Variants in OTUD7A observed in about 807,000 individuals in gnomAD.
OTUD7A encodes the protein OTU deubiquitinase 7A.
In OTUD7A, 12 loss-of-function variants were observed where a neutral mutation model predicts 65.7. That is an observed-to-expected ratio of 0.18 (90% CI 0.12 to 0.30). OTUD7A has a LOEUF of 0.30. Ranked by LOEUF, OTUD7A falls within the 10% of genes least tolerant of loss-of-function variation. OTUD7A has a pLI of 1.00. For missense variants in OTUD7A, 1,148 were observed against 1,304.8 expected, an observed-to-expected ratio of 0.88 and a Z score of 1.85; for synonymous variants, 641 against 586.3, an observed-to-expected ratio of 1.09 and a Z score of -1.35.
intron 3 of OTUD7A, among the ~76,000 whole-genome samples, chr15:31,580,802 A>C (rs2097400944): frequency 6.6e-6 from 1 of 152,150 alleles, no homozygotes; most frequent in Admixed American, 6.5e-5. Flanking sequence ...TGCCCTTGAC[A>C]CATGGGGATT....
intron 4 of OTUD7A, among the ~76,000 whole-genome samples, chr15:31,567,049 A>C (rs1239078656): frequency 6.6e-6 from 1 of 152,238 alleles, no homozygotes; most frequent in African/African-American, 2.4e-5. Context: ...TGAAAATGTG[A>C]AAGCAACTTT....
At chr15:31,591,193 G>A (rs1271950341) in intron 3 of OTUD7A, among the ~76,000 whole-genome samples, 1 of 152,052 alleles carries the variant, frequency 6.6e-6, no homozygotes, top group African/African-American at 2.4e-5. Context: ...GCATAGAGGT[G>A]TTGGGAGTTT....
chr15:31,772,207 C>G (rs1377843284), intron 1 of OTUD7A, among the ~76,000 whole-genome samples: 2 of 149,502 alleles, frequency 1.3e-5, no homozygotes, highest in Admixed American at 6.7e-5. Flanking sequence ...AGCCGAGATC[C>G]CGCCACTGCA....
chr15:31,614,193 G>T (rs72709306), intron 3 of OTUD7A, among the ~76,000 whole-genome samples: 32,557 of 151,912 alleles, frequency 0.21, 3,663 homozygotes, highest in African/African-American at 0.26. Context: ...CAAATAGGGT[G>T]CAGTGTATTA....
At chr15:31,653,022 G>A (rs1367788961) in intron 3 of OTUD7A, among the ~76,000 whole-genome samples, 8 of 152,130 alleles carry the variant, frequency 5.3e-5, no homozygotes, top group South Asian at 2.1e-4. Flanking sequence ...AGGCTGAGGC[G>A]GGCAGATCAC....
chr15:31,867,670 C>A (rs2141023931), intron 1 of OTUD7A, among the ~76,000 whole-genome samples: 1 of 152,302 alleles, frequency 6.6e-6, no homozygotes, highest in Non-Finnish European at 1.5e-5. Flanking sequence ...GCCTGTAGTT[C>A]ACTGAAGTCA....
At chr15:31,860,380 C>T (rs1000599635) in intron 1 of OTUD7A, among the ~76,000 whole-genome samples, 1 of 151,718 alleles carries the variant, frequency 6.6e-6, no homozygotes, top group African/African-American at 2.4e-5. Context: ...GGGAGCTAAG[C>T]AATTCGAGAA....
Position 31,570,149 on chromosome 15 carries a change from C to T in OTUD7A, c.200G>A (p.Arg67His), listed in dbSNP as rs763917042. ...TGGCAGATTGGCTGTGTGCACCTGG[C>T]GGAGCTGCTCATAGTCGCTCAGAGC... ...TAALSDYEQLRQVHTANLPHV... is the reference protein window; with the variant it reads ...TAALSDYEQLHQVHTANLPHV... The change falls in exon 4 of 13, where the codon CGC (arginine) becomes CAC (histidine). Residue 67 changes from arginine to histidine, a missense_variant. Transcript: ENST00000307050. The T allele has an allele frequency of 8.7e-6, 14 of 1,614,126 alleles. No individual in the cohort carries two copies. The highest frequency in any genetic ancestry group is 5.5e-5 in the South Asian group (5 of 91,076).
chr15:31,609,749 G>A (rs192597569), intron 3 of OTUD7A, among the ~76,000 whole-genome samples: 5 of 152,242 alleles, frequency 3.3e-5, no homozygotes, highest in East Asian at 3.9e-4. Flanking sequence ...GCTACCTCCC[G>A]TCAGGAGGCC....
intron 1 of OTUD7A, among the ~76,000 whole-genome samples, chr15:31,686,566 G>C (rs1199599006): frequency 2.6e-5 from 4 of 152,230 alleles, no homozygotes; most frequent in Admixed American, 6.5e-5. Context: ...CCATCTCCAA[G>C]GAGCAGATCC....
chr15:31,766,238 A>C, intron 1 of OTUD7A: 1 of 1,548,012 alleles, frequency 6.5e-7, no homozygotes, highest in Non-Finnish European at 8.9e-7. Flanking sequence ...GAGAAACGGT[A>C]TGTATCAACA....
At chr15:31,662,999 G>GT (rs921877201) in intron 1 of OTUD7A, among the ~76,000 whole-genome samples, 6 of 149,400 alleles carry the variant, frequency 4.0e-5, no homozygotes, top group African/African-American at 7.4e-5. Flanking sequence ...CAAATTTTCA[G>GT]TTTTTTTTAG....
At chr15:31,665,540 A>C (rs1892296047) in intron 1 of OTUD7A, among the ~76,000 whole-genome samples, 1 of 152,206 alleles carries the variant, frequency 6.6e-6, no homozygotes, top group Admixed American at 6.5e-5. Context: ...GAATTCTTTC[A>C]TCAGTTCTAG....
At chr15:31,781,034 C>T (rs1041162279) in intron 1 of OTUD7A, among the ~76,000 whole-genome samples, 1 of 152,164 alleles carries the variant, frequency 6.6e-6, no homozygotes, top group African/African-American at 2.4e-5. Context: ...TTGTGGCAAG[C>T]TGTGTTTTCT....
intron 1 of OTUD7A, among the ~76,000 whole-genome samples, chr15:31,768,929 C>T (rs1455348733): frequency 6.6e-6 from 1 of 151,840 alleles, no homozygotes; most frequent in Non-Finnish European, 1.5e-5. Context: ...TCAAGCATCC[C>T]AAAGATAGGA....
chr15:31,759,127 T>C (rs1314579981), intron 1 of OTUD7A, among the ~76,000 whole-genome samples: 1 of 152,222 alleles, frequency 6.6e-6, no homozygotes, highest in Non-Finnish European at 1.5e-5. Context: ...TTGGGAGCTA[T>C]GCAAGGCAGC....
chr15:31,611,321 G>T (rs1382443644), intron 3 of OTUD7A, among the ~76,000 whole-genome samples: 1 of 152,136 alleles, frequency 6.6e-6, no homozygotes, highest in Non-Finnish European at 1.5e-5. Flanking sequence ...AGAACTAAAT[G>T]AAGCTGAAAC....
At chr15:31,732,899 T>A (rs575618487) in intron 1 of OTUD7A, among the ~76,000 whole-genome samples, 1 of 152,248 alleles carries the variant, frequency 6.6e-6, no homozygotes, top group Non-Finnish European at 1.5e-5. Flanking sequence ...TCAGTCTCCA[T>A]GTTTTGCTAG....
At chr15:31,766,871 A>G in intron 1 of OTUD7A, 1 of 1,610,820 alleles carries the variant, frequency 6.2e-7, no homozygotes, top group Non-Finnish European at 8.5e-7. Context: ...AAGACACTGG[A>G]TGCCTCTTTA....
Sources: allele counts gnomAD v4.1 joint callset (sites outside exome capture counted in the v4.1 genomes callset), GRCh38; gene constraint gnomAD v4.1.1; transcripts MANE v1.5; gene names NCBI Gene and HGNC (gene_info 2026-07-23, HGNC 2026-07-21).